MEF2D: variants seen among roughly 807,000 people sequenced by gnomAD.
MEF2D encodes the protein myocyte-specific enhancer factor 2D.
In MEF2D, 10 loss-of-function variants were observed where a neutral mutation model predicts 59.3. The observed-to-expected ratio is 0.17, with a 90% CI of 0.10 to 0.29. The LOEUF (loss-of-function observed/expected upper bound fraction) is 0.29, where lower values mean the gene tolerates loss of function less well. Among genes scored for constraint, MEF2D ranks in the 10% least tolerant of loss-of-function variants. The pLI, the probability that MEF2D is intolerant of heterozygous loss-of-function variation, is 1.00. For missense variants in MEF2D, 508 were observed against 699.4 expected (o/e 0.73, Z 3.09); for synonymous variants, 305 against 295.0 (o/e 1.03, Z -0.35).
Position 156,482,816 on chromosome 1 carries a change from G to C in MEF2D, c.55-176C>G, listed in dbSNP as rs182385668. Among the ~76,000 whole-genome samples the C allele has an allele frequency of 2.1e-3, 314 of 152,314 alleles. 1 individual carries two copies. The highest frequency in any genetic ancestry group is 7.1e-3 in the African/African-American group (296 of 41,568). On this transcript the variant is annotated intron_variant, in intron 2 of 11. Coordinates refer to ENST00000348159, the MANE Select transcript of MEF2D (RefSeq NM_005920.4). The stretch of plus-strand genomic sequence containing the variant: ...GGGAAGGACCAGGCTAGTGCCTGTA[G>C]GCCAACACACAGCTTAGATACAGCC...
At chr1:156,498,595 C>T (rs1211092650) in intron 1 of MEF2D, among the ~76,000 whole-genome samples, 3 of 152,160 alleles carry the variant, frequency 2.0e-5, no homozygotes, top group South Asian at 2.1e-4. Context: ...CCCTTCCTCC[C>T]TTCCCCCCTC....
chr1:156,471,987 G>A, intron 9 of MEF2D, among the ~76,000 whole-genome samples: 1 of 152,232 alleles, frequency 6.6e-6, no homozygotes, highest in East Asian at 1.9e-4. Context: ...AGTGACAGAT[G>A]AGAATCTTTA....
At position 156,480,924 on chromosome 1, in the gene MEF2D, G is replaced by T; in HGVS notation, c.306C>A (p.Asp102Glu). The T allele has an allele frequency of 6.2e-7, 1 of 1,612,118 alleles. No homozygotes were observed. Among genetic ancestry groups the T allele is most frequent in the Non-Finnish European group, 8.5e-7 (1 of 1,179,774 alleles). ...GGCTCTGTTCCAGCGAGTCCTCCCC[G>T]TCGGGCTCGGGGCTGTCGCAGCCGT... is the stretch of plus-strand genomic sequence containing the variant. Reference protein sequence around the residue: ...GFNGCDSPEPDGEDSLEQSPL... With the variant: ...GFNGCDSPEPEGEDSLEQSPL... Residue 102 changes from aspartate (D) to glutamate (E), a missense_variant, in exon 4 of 12, where the codon GAC becomes GAA. By Grantham distance (45) the Asp-to-Glu change is conservative. This residue lies in a region of MEF2D where 481 missense variants were observed against 584.7 expected (regional missense o/e 0.82). Transcript: ENST00000348159.
chr1:156,473,710 G>A lies in MEF2D; in HGVS notation c.1006+1398C>T, dbSNP rs558982785. Among the ~76,000 whole-genome samples the A allele has an allele frequency of 5.3e-4, 81 of 152,286 alleles. 2 individuals carry two copies. In the South Asian group the frequency reaches 8.9e-3, roughly 17 times the overall value. On this transcript the variant is annotated intron_variant, in intron 9 of 11. Transcript: ENST00000348159. The stretch of plus-strand genomic sequence containing the variant: ...TGGCCCTAGGGACCCAGGACAGCCC[G>A]CGCACTGGGTGTCCTATCTGAATTC...
chr1:156,481,024 G>A lies in MEF2D; in HGVS notation c.259-53C>T, dbSNP rs1470187887. On this transcript the variant is annotated intron_variant, in intron 3 of 11. Transcript: ENST00000348159. ...GGTGAGAGTCCTTCCCGCCCGCCTCGCTGGAGTTCCTTCCAGCCCCTCCCT... is the reference window on the plus strand; with the variant it reads ...GGTGAGAGTCCTTCCCGCCCGCCTCACTGGAGTTCCTTCCAGCCCCTCCCT... 5.6e-6 allele frequency: 9 copies of A among 1,606,736 alleles called. No homozygotes were observed. In the Admixed American group the frequency reaches 8.4e-5, roughly 15 times the overall value.
chr1:156,479,530 A>G (rs1490130846), intron 5 of MEF2D, 56 bp downstream of exon 5: 18 of 1,540,128 alleles, frequency 1.2e-5, no homozygotes, highest in Non-Finnish European at 1.4e-5. Flanking sequence ...ATGGAATCCC[A>G]AAGTCCCCAT....
rs1232740172 is a variant in MEF2D at position 156,468,926 on chromosome 1, T to G, written c.1101A>C (p.Pro367=). The G allele has an allele frequency of 4.3e-6, 7 of 1,613,742 alleles. No individual in the cohort carries two copies. The highest frequency in any genetic ancestry group is 1.1e-5 in the South Asian group (1 of 91,062). The change falls in exon 10 of 12, where the codon CCA becomes CCC. Residue 367 remains proline, a synonymous_variant. Coordinates refer to ENST00000348159, the MANE Select transcript of MEF2D (RefSeq NM_005920.4). This position sits in a 1 kb window ranked among gnomAD's most constrained non-coding sequence, Gnocchi z 4.3. ...SLGNVTAWQQ[P]QQPQQPQQPQ... ...GCTGCTGCGGCTGCTGGGGCTGCTG[T>G]GGCTGTTGCCAGGCAGTGACATTGC...
chr1:156,495,493 C>T (rs1256512713), intron 1 of MEF2D, among the ~76,000 whole-genome samples: 2 of 151,992 alleles, frequency 1.3e-5, no homozygotes, highest in Non-Finnish European at 2.9e-5. Flanking sequence ...CATCACCTCT[C>T]TTCATTGGGA....
At chr1:156,481,995 A>G (rs558836847) in intron 3 of MEF2D, among the ~76,000 whole-genome samples, 1 of 152,356 alleles carries the variant, frequency 6.6e-6, no homozygotes, top group Non-Finnish European at 1.5e-5. Flanking sequence ...AAATAGAACT[A>G]CCGGGCCCAC....
chr1:156,479,418 T>G, intron 5 of MEF2D, 72 bp from the exon 6 acceptor site: 2 of 1,548,166 alleles, frequency 1.3e-6, no homozygotes, highest in Non-Finnish European at 8.8e-7. Context: ...GGACTGAACA[T>G]GAAGAGGGGA....
chr1:156,468,819 T>TGCTGAGGTGGCTGTTGCG lies in MEF2D; in HGVS notation c.1190_1207dup (p.Pro397_Gln402dup). 1 of 1,614,150 alleles carries TGCTGAGGTGGCTGTTGCG rather than the reference T, an allele frequency of 6.2e-7. No individual in the cohort carries two copies. Among genetic ancestry groups the TGCTGAGGTGGCTGTTGCG allele is most frequent in the Non-Finnish European group, 8.5e-7 (1 of 1,179,990 alleles). Reference sequence around the variant, plus strand: ...AGATACAGGGACCAGGTGGGACTGTTGCTGAGGTGGCTGTTGCGGCTGCTG... The same window carrying TGCTGAGGTGGCTGTTGCG: ...AGATACAGGGACCAGGTGGGACTGTTGCTGAGGTGGCTGTTGCGGCTGAGGTGGCTGTTGCGGCTGCTG... On this transcript the variant is annotated inframe_insertion, in exon 10 of 12. Coordinates refer to ENST00000348159, the MANE Select transcript of MEF2D (RefSeq NM_005920.4). The surrounding 1 kb of genome is among the most constrained non-coding windows in gnomAD (Gnocchi z 4.3).
intron 9 of MEF2D, among the ~76,000 whole-genome samples, chr1:156,469,392 G>C (rs538116456): frequency 1.6e-4 from 24 of 152,028 alleles, no homozygotes; most frequent in Non-Finnish European, 3.1e-4. Context: ...TAAATGGCTG[G>C]GATTACAGGC....
chr1:156,496,470 T>A (rs1156681098), intron 1 of MEF2D, among the ~76,000 whole-genome samples: 1 of 152,102 alleles, frequency 6.6e-6, no homozygotes, highest in Non-Finnish European at 1.5e-5. Flanking sequence ...GGGGCAGGGA[T>A]GGAAGTCAGC....
intron 1 of MEF2D, among the ~76,000 whole-genome samples, chr1:156,487,511 C>T (rs575310104): frequency 3.9e-5 from 6 of 152,312 alleles, no homozygotes; most frequent in Admixed American, 3.9e-4. Flanking sequence ...TTTCCTTCTG[C>T]TATCCATTCC....
In MEF2D at chr1:156,479,652, G is replaced by A; in HGVS notation, c.541C>T (p.Pro181Ser). Residue 181 changes from proline (P) to serine (S), a missense_variant, in exon 5 of 12, where the codon CCC becomes TCC. By Grantham distance (74) the Pro-to-Ser change is moderately conservative (BLOSUM62 -1). Transcript: ENST00000348159. ...SSLTDPRLLSPQQPALQRNSV... is the reference protein window; with the variant it reads ...SSLTDPRLLSSQQPALQRNSV... Reference sequence around the variant, plus strand: ...TTCCTCTGTAGTGCTGGCTGCTGGGGGGACAGGAGCCGCGGGTCCGTGAGG... The same window carrying A: ...TTCCTCTGTAGTGCTGGCTGCTGGGAGGACAGGAGCCGCGGGTCCGTGAGG... The A allele has an allele frequency of 1.3e-6, 2 of 1,552,686 alleles. No individual in the cohort carries two copies. Among genetic ancestry groups the A allele is most frequent in the South Asian group, 2.4e-5 (2 of 84,136 alleles).
chr1:156,489,622 G>A (rs1672622568), intron 1 of MEF2D, among the ~76,000 whole-genome samples: 1 of 152,058 alleles, frequency 6.6e-6, no homozygotes, highest in African/African-American at 2.4e-5. Context: ...CTGGCCCAGC[G>A]CTGGGGGAAT....
At chr1:156,477,273 C>G in intron 6 of MEF2D, 71 bp from the exon 7 acceptor site, 2 of 1,333,894 alleles carry the variant, frequency 1.5e-6, no homozygotes, top group East Asian at 4.8e-5. Context: ...AACTTCCCCA[C>G]ACCAATACTC....
intron 4 of MEF2D, chr1:156,480,617 A>T: frequency 6.5e-7 from 1 of 1,533,862 alleles, no homozygotes; most frequent in Non-Finnish European, 8.8e-7. Flanking sequence ...CACCACAGGG[A>T]GGCTCTGCTC....
At position 156,477,165 on chromosome 1, in the gene MEF2D, G is replaced by A; in HGVS notation, c.702C>T (p.Leu234=). The change falls in exon 7 of 12, where the codon CTC becomes CTT. Residue 234 remains leucine (L), a synonymous_variant. Transcript: ENST00000348159. ...GYVSARASPG[L]LPVANGNSLN... is the part of the protein sequence containing the mutation. ...GGCTGTTGCCATTGGCCACAGGGAG[G>A]AGGCCAGGGGAAGCCCGAGCACTGA... 6.2e-7 allele frequency: 1 copy of A among 1,612,818 alleles called. No homozygotes were observed. Among genetic ancestry groups the A allele is most frequent in the Non-Finnish European group, 8.5e-7 (1 of 1,179,214 alleles).
Sources: allele counts gnomAD v4.1 joint callset (sites outside exome capture counted in the v4.1 genomes callset), GRCh38; gene constraint gnomAD v4.1.1; regional missense constraint gnomAD v4.1.1; non-coding constraint Gnocchi (gnomAD v3.1); transcripts MANE v1.5; gene names NCBI Gene and HGNC (gene_info 2026-07-23, HGNC 2026-07-21).